Variants in SHPRH observed in about 807,000 individuals in gnomAD.
SHPRH encodes SNF2 histone linker PHD RING helicase.
SHPRH carries 106 observed loss-of-function variants against 202.5 expected under a neutral mutation model. That is an observed-to-expected ratio of 0.52 (90% confidence interval 0.45 to 0.62). The LOEUF (loss-of-function observed/expected upper bound fraction) is 0.62, where lower values mean the gene tolerates loss of function less well. Among genes scored for constraint, SHPRH ranks in the 20% least tolerant of loss-of-function variants. The pLI is 0.00. For synonymous variants in SHPRH, 729 were observed against 686.0 expected (o/e 1.06, Z -0.98); for missense variants, 1,710 against 2,020.0 (o/e 0.85, Z 2.94).
chr6:145,879,804 C>T (rs181650627), intron 2 of SHPRH, among the ~76,000 whole-genome samples: 11 of 147,368 alleles, frequency 7.5e-5, no homozygotes, highest in African/African-American at 1.5e-4. Flanking sequence ...GCCAGCTACT[C>T]GGGAGGCTGA....
intron 11 of SHPRH, among the ~76,000 whole-genome samples, chr6:145,940,330 T>C (rs1326602991): frequency 2.0e-5 from 3 of 152,118 alleles, no homozygotes; most frequent in African/African-American, 7.2e-5. Context: ...ACACAGTTAA[T>C]TGAAATTAAT....
intron 23 of SHPRH, 87 bp from the exon 24 acceptor site, chr6:145,913,636 A>AAT: frequency 1.0e-6 from 1 of 981,432 alleles, no homozygotes; most frequent in South Asian, 1.6e-5. Context: ...TATGGAAGTG[A>AAT]ATACTGGCAA....
chr6:145,894,738 T>C (rs1781863942), intron 26 of SHPRH, 147 bp downstream of exon 26: 1 of 588,138 alleles, frequency 1.7e-6, no homozygotes, highest in South Asian at 3.4e-5. Flanking sequence ...CTAAAAATAA[T>C]TCTATCTTCT....
intron 13 of SHPRH, among the ~76,000 whole-genome samples, chr6:145,934,483 A>AAAATAAAATAAAAT (rs1785843140): frequency 6.7e-6 from 1 of 148,760 alleles, no homozygotes; most frequent in Non-Finnish European, 1.5e-5. Context: ...TAAATAAAAT[A>AAAATAAAATAAAAT]AAATAAAATA....
rs73785630 is a variant in SHPRH, at chr6:145,911,526, C to T, written c.4327-890G>A. ...TGGAGACTTTTGCCCTCTTTGGCAA[C>T]GAGAGACGTAAGAACAATAGATTTA... On this transcript the variant is annotated intron_variant, in intron 24 of 29. Coordinates refer to ENST00000275233, the MANE Select transcript of SHPRH (RefSeq NM_001042683.3). 9.7e-4 allele frequency among the ~76,000 whole-genome samples: 148 copies of T among 152,210 alleles called. 1 individual carries two copies. The highest frequency in any genetic ancestry group is 3.3e-3 in the African/African-American group (137 of 41,546).
intron 28 of SHPRH, among the ~76,000 whole-genome samples, 190 bp from the exon 29 acceptor site, chr6:145,888,290 C>T (rs146788008): frequency 1.3e-5 from 2 of 151,996 alleles, no homozygotes; most frequent in African/African-American, 4.8e-5. Context: ...GAGAGACAGA[C>T]AATAAACACA....
exon 3 of SHPRH, chr6:145,864,284 C>T (rs2128683490): frequency 3.4e-6 from 1 of 292,864 alleles, no homozygotes; most frequent in Non-Finnish European, 7.2e-6. Context: ...ACATGTATTA[C>T]TGAATAAGCC....
At chr6:145,944,555 ATCT>A (rs1483674628) in intron 8 of SHPRH, among the ~76,000 whole-genome samples, 5 of 151,986 alleles carry the variant, frequency 3.3e-5, no homozygotes, top group African/African-American at 2.4e-5. Flanking sequence ...ACTGAGGGAA[ATCT>A]TCTAGTTTTG....
intron 11 of SHPRH, among the ~76,000 whole-genome samples, chr6:145,939,300 T>G (rs1786477977): frequency 6.6e-6 from 1 of 152,220 alleles, no homozygotes; most frequent in Non-Finnish European, 1.5e-5. Context: ...TGCCTTATTG[T>G]GCACATATAT....
intron 3 of SHPRH, among the ~76,000 whole-genome samples, chr6:145,951,070 C>T (rs1582817296): frequency 6.6e-6 from 1 of 152,048 alleles, no homozygotes; most frequent in Admixed American, 6.6e-5. Flanking sequence ...CATTTGGTAG[C>T]AGTAGCAGCC....
At chr6:145,892,606 G>A (rs1781664184) in intron 28 of SHPRH, among the ~76,000 whole-genome samples, 1 of 151,762 alleles carries the variant, frequency 6.6e-6, no homozygotes, top group African/African-American at 2.4e-5. Context: ...ACATCCAGAA[G>A]GTAATACATT....
At chr6:145,926,354 A>C (rs1303893315) in intron 15 of SHPRH, 58 bp from the exon 16 acceptor site, 4 of 1,386,300 alleles carry the variant, frequency 2.9e-6, no homozygotes, top group Non-Finnish European at 3.1e-6. Context: ...TCTGAAGAGA[A>C]CCTAATATTA....
Position 145,945,503 on chromosome 6 carries a change from T to C in SHPRH, c.1456A>G (p.Met486Val), listed in dbSNP as rs563111964. The change falls in exon 8 of 30, where the codon ATG (methionine) becomes GTG (valine). Residue 486 changes from methionine to valine, a missense_variant. Coordinates refer to ENST00000275233, the MANE Select transcript of SHPRH (RefSeq NM_001042683.3). The stretch of plus-strand genomic sequence containing the variant: ...CCTTCAAAAATTAAACATTTCAGCA[T>C]CCGTTTCAAAAGACTCCTGTTCCGT... Reference protein sequence around the residue: ...VQRNRSLLKRMLKCLIFEGLV... With the variant: ...VQRNRSLLKRVLKCLIFEGLV... The C allele has an allele frequency of 6.2e-7, 1 of 1,613,348 alleles. No homozygotes were observed. The highest frequency in any genetic ancestry group is 1.3e-5 in the African/African-American group (1 of 74,984).
rs144422025 is a variant in SHPRH, at chr6:145,922,049, A to G, written c.3782+237T>C. ...AGAGTCTGGGATTTTACCACTCCAC[A>G]AAACTGCATCTCAATTAATTATATA... On this transcript the variant is annotated intron_variant, in intron 20 of 29. Coordinates refer to ENST00000275233, the MANE Select transcript of SHPRH (RefSeq NM_001042683.3). Among the ~76,000 whole-genome samples, 346 of 152,142 alleles carry G rather than the reference A, an allele frequency of 2.3e-3. 4 individuals are homozygous for G. The highest frequency in any genetic ancestry group is 8.0e-3 in the African/African-American group (331 of 41,544).
intron 25 of SHPRH, among the ~76,000 whole-genome samples, chr6:145,898,605 T>C (rs2128721400): frequency 6.6e-6 from 1 of 152,208 alleles, no homozygotes; most frequent in East Asian, 1.9e-4. Flanking sequence ...GCCATTCTCT[T>C]GGTAGTGAGT....
chr6:145,948,915 A>C (rs1787685962), intron 4 of SHPRH, among the ~76,000 whole-genome samples: 3 of 152,022 alleles, frequency 2.0e-5, no homozygotes, highest in Non-Finnish European at 2.9e-5. Context: ...TAATATTTTA[A>C]CTTATTTAAA....
chr6:145,927,434 C>T, intron 14 of SHPRH, 157 bp from the exon 15 acceptor site: 1 of 580,492 alleles, frequency 1.7e-6, no homozygotes, highest in Non-Finnish European at 2.9e-6. Context: ...ATATGATTGC[C>T]CAAGTTTTAA....
rs950468620 is a variant in SHPRH at position 145,943,097 on chromosome 6, C to T, written c.2238+46G>A. The T allele has an allele frequency of 3.3e-6, 5 of 1,515,296 alleles. No homozygotes were observed. The African/African-American group carries it at 4.2e-5, about 13-fold the overall frequency. The allele number at this position is 1,515,296 out of a possible 1,614,324, so 93.9% of individuals were successfully genotyped here. ...AGATTAGGAAACTATCATGAAGAAGCAAAACTTTACATTTTCCTCTCCCTC... is the reference window on the plus strand; with the variant it reads ...AGATTAGGAAACTATCATGAAGAAGTAAAACTTTACATTTTCCTCTCCCTC... On this transcript the variant is annotated intron_variant, in intron 9 of 29. Transcript: ENST00000275233.
chr6:145,918,115 G>A lies in SHPRH; in HGVS notation c.4254+16C>T, dbSNP rs776950339. The A allele has an allele frequency of 1.3e-6, 2 of 1,588,196 alleles. No homozygotes were observed. Among genetic ancestry groups the A allele is most frequent in the Non-Finnish European group, 1.7e-6 (2 of 1,165,036 alleles). On this transcript the variant is annotated intron_variant, in intron 23 of 29. Coordinates refer to ENST00000275233, the MANE Select transcript of SHPRH (RefSeq NM_001042683.3). ...AATGCAGCATAGGAAAAAGTAGCAT[G>A]TCTTAGAAACAATACCTTCTCCAAA...
Sources: gnomAD v4.1 joint callset for allele counts (sites outside exome capture counted in the v4.1 genomes callset) on GRCh38, gnomAD v4.1.1 for gene constraint, MANE v1.5 for transcripts, NCBI Gene and HGNC (gene_info 2026-07-23, HGNC 2026-07-21) for gene names.